Variants in KLHL2 observed in about 807,000 individuals in gnomAD.
KLHL2 encodes the protein kelch like family member 2.
In KLHL2, 15 loss-of-function variants were observed where a neutral mutation model predicts 75.8. That is an observed-to-expected ratio of 0.20 (90% CI 0.13 to 0.30). The LOEUF (loss-of-function observed/expected upper bound fraction) is 0.30, where lower values mean the gene tolerates loss of function less well. KLHL2 is among the 10% of genes least tolerant of loss of function. The pLI, the probability that KLHL2 is intolerant of heterozygous loss-of-function variation, is 1.00. For synonymous variants in KLHL2, 214 were observed against 251.9 expected, an observed-to-expected ratio of 0.85 and a Z score of 1.42; for missense variants, 381 against 741.0, an observed-to-expected ratio of 0.51 and a Z score of 5.64.
intron 3 of KLHL2, among the ~76,000 whole-genome samples, chr4:165,230,873 A>G (rs1471291249): frequency 1.3e-5 from 2 of 152,260 alleles, no homozygotes; most frequent in African/African-American, 4.8e-5. Flanking sequence ...TGGTTTATGA[A>G]TATGTGAGCT....
intron 5 of KLHL2, chr4:165,279,736 G>A (rs1244094452): frequency 4.5e-5 from 44 of 971,054 alleles, no homozygotes; most frequent in Non-Finnish European, 6.0e-5. Context: ...TCCAAAGAGC[G>A]AGGCCGCGCG....
chr4:165,314,736 G>T (rs1050458778), intron 13 of KLHL2, among the ~76,000 whole-genome samples: 1 of 152,120 alleles, frequency 6.6e-6, no homozygotes, highest in African/African-American at 2.4e-5. Flanking sequence ...AGAACTTCAA[G>T]ATTAGGGAAC....
At chr4:165,262,012 C>T (rs1040122163) in intron 4 of KLHL2, among the ~76,000 whole-genome samples, 1 of 152,086 alleles carries the variant, frequency 6.6e-6, no homozygotes, top group Non-Finnish European at 1.5e-5. Context: ...TATAAAGGAT[C>T]ACCAGAATTC....
intron 11 of KLHL2, among the ~76,000 whole-genome samples, chr4:165,312,799 T>C (rs1269715374): frequency 6.6e-6 from 1 of 152,244 alleles, no homozygotes; most frequent in Non-Finnish European, 1.5e-5. Context: ...TTATTTATAC[T>C]GAGGCATTTA....
intron 5 of KLHL2, among the ~76,000 whole-genome samples, chr4:165,289,016 A>C (rs776896920): frequency 4.6e-5 from 7 of 152,134 alleles, no homozygotes; most frequent in Non-Finnish European, 1.0e-4. Context: ...GGTGAGCTGC[A>C]CTAGGCTTCT....
chr4:165,241,857 C>T (rs186486470), intron 4 of KLHL2, among the ~76,000 whole-genome samples: 38 of 152,130 alleles, frequency 2.5e-4, no homozygotes, highest in African/African-American at 8.4e-4. Flanking sequence ...AACTTGGAGT[C>T]AGAATGAGGG....
chr4:165,229,527 CCAAATAGAAAATA>C (rs1738714809), intron 3 of KLHL2, among the ~76,000 whole-genome samples: 1 of 151,980 alleles, frequency 6.6e-6, no homozygotes, highest in African/African-American at 2.4e-5. Flanking sequence ...TATTGGTATG[CCAAATAGAAAATA>C]CAAATAGAAA....
At chr4:165,286,606 A>G (rs1744112899) in intron 5 of KLHL2, among the ~76,000 whole-genome samples, 1 of 152,114 alleles carries the variant, frequency 6.6e-6, no homozygotes, top group Non-Finnish European at 1.5e-5. Context: ...GAGGTTGAGA[A>G]GGACCAATGC....
intron 1 of KLHL2, among the ~76,000 whole-genome samples, chr4:165,217,158 C>G (rs1013093818): frequency 4.6e-5 from 7 of 152,112 alleles, no homozygotes; most frequent in Admixed American, 6.5e-5. Flanking sequence ...AACATTCTTC[C>G]TTTGTTGCAC....
chr4:165,246,221 A>G (rs1740250270), intron 4 of KLHL2, among the ~76,000 whole-genome samples: 1 of 152,302 alleles, frequency 6.6e-6, no homozygotes, highest in African/African-American at 2.4e-5. Context: ...GGCGTGTTTT[A>G]TGGGCCAGAA....
At chr4:165,215,251 A>T (rs1737462812) in intron 1 of KLHL2, among the ~76,000 whole-genome samples, 1 of 152,136 alleles carries the variant, frequency 6.6e-6, no homozygotes, top group Non-Finnish European at 1.5e-5. Flanking sequence ...GCCTCTAAGT[A>T]ATATAGTGGT....
chr4:165,308,992 A>G (rs1264908408), intron 9 of KLHL2, among the ~76,000 whole-genome samples: 1 of 152,168 alleles, frequency 6.6e-6, no homozygotes, highest in Non-Finnish European at 1.5e-5. Flanking sequence ...TAAGACAGTA[A>G]GGGGCAGAGG....
At chr4:165,246,838 G>C (rs1354655488) in intron 4 of KLHL2, among the ~76,000 whole-genome samples, 6 of 152,184 alleles carry the variant, frequency 3.9e-5, no homozygotes, top group Non-Finnish European at 7.3e-5. Context: ...TAGGGAGGTA[G>C]ATTTGGTGTA....
intron 1 of KLHL2, chr4:165,210,252 G>C: frequency 7.1e-7 from 1 of 1,407,836 alleles, no homozygotes; most frequent in Non-Finnish European, 9.8e-7. Flanking sequence ...CACTGTGCGT[G>C]GTGCTTTTGC....
chr4:165,265,164 G>T (rs536936825), intron 5 of KLHL2, among the ~76,000 whole-genome samples: 7 of 151,976 alleles, frequency 4.6e-5, no homozygotes, highest in Non-Finnish European at 8.8e-5. Context: ...TTGACCATTT[G>T]TATATCTTCT....
chr4:165,287,836 C>A (rs1744204929), intron 5 of KLHL2, among the ~76,000 whole-genome samples: 1 of 151,984 alleles, frequency 6.6e-6, no homozygotes, highest in African/African-American at 2.4e-5. Context: ...TATTCCAGTC[C>A]TTTGCTCATT....
At position 165,207,710 on chromosome 4, in the gene KLHL2, CGCGGGG is replaced by C; in HGVS notation, c.-164_-159del. The C allele has an allele frequency of 3.5e-6, 1 of 282,384 alleles. No individual in the cohort carries two copies. The highest frequency in any genetic ancestry group is 5.8e-6 in the Non-Finnish European group (1 of 170,988). The allele number at this position is 282,384 out of a possible 1,614,324, so 17.5% of individuals were successfully genotyped here. On this transcript the variant is annotated 5_prime_UTR_variant, in exon 1 of 15. Coordinates refer to ENST00000226725, the MANE Select transcript of KLHL2 (RefSeq NM_007246.4). The surrounding 1 kb of genome is among the most constrained non-coding windows in gnomAD (Gnocchi z 4.2). ...CGCGCCCGGCCGAGCGGGCCATGGC[CGCGGGG>C]GCCGCCGCCGCAGGTGGTGGCGCGC...
At position 165,207,885 on chromosome 4, in the gene KLHL2, G is replaced by A. The variant is rs1342307250; in HGVS notation, c.9G>A (p.Thr3=). ...GCCCGAGAGGAGCCACAATGGAGAC[G>A]CCGCCGCTGCCTCCCGCGTGAGTGA... ME[T]PPLPPACTKQ... is the part of the protein sequence containing the mutation. The change falls in exon 1 of 15, where the codon ACG becomes ACA. Residue 3 remains threonine, a synonymous_variant. Transcript: ENST00000226725. This position sits in a 1 kb window ranked among gnomAD's most constrained non-coding sequence, Gnocchi z 4.2. The A allele has an allele frequency of 1.4e-6, 2 of 1,440,832 alleles. No homozygotes were observed. Among genetic ancestry groups the A allele is most frequent in the Admixed American group, 2.4e-5 (1 of 41,120 alleles). The allele number at this position is 1,440,832 out of a possible 1,614,324, so 89.3% of individuals were successfully genotyped here. A position where few individuals can be genotyped will look rare whatever the true frequency, so the allele number is the denominator to read the frequency against.
intron 5 of KLHL2, among the ~76,000 whole-genome samples, chr4:165,264,731 T>TATATATATATATATATAC (rs1742067341): frequency 3.6e-5 from 3 of 83,058 alleles, no homozygotes; most frequent in Non-Finnish European, 5.0e-5. Context: ...CATATATATA[T>TATATATATATATATATAC]ATATATATGT....
Sources: allele counts gnomAD v4.1 joint callset (sites outside exome capture counted in the v4.1 genomes callset), GRCh38; gene constraint gnomAD v4.1.1; non-coding constraint Gnocchi (gnomAD v3.1); transcripts MANE v1.5; gene names NCBI Gene and HGNC (gene_info 2026-07-23, HGNC 2026-07-21).